HCK: variants seen among roughly 807,000 people sequenced by gnomAD.
HCK encodes tyrosine-protein kinase HCK.
HCK carries 40 observed loss-of-function variants against 70.4 expected under a neutral mutation model. That is an observed-to-expected ratio of 0.57 (90% CI 0.44 to 0.74). The LOEUF (loss-of-function observed/expected upper bound fraction) is 0.74, where lower values mean the gene tolerates loss of function less well. Among genes scored for constraint, HCK ranks in the 30% least tolerant of loss-of-function variants. The pLI is 0.00. For synonymous variants in HCK, 245 were observed against 263.2 expected (o/e 0.93, Z 0.67); for missense variants, 568 against 697.2 (o/e 0.81, Z 2.09).
chr20:32,059,997 A>G (rs534270649), intron 1 of HCK, among the ~76,000 whole-genome samples: 2 of 152,094 alleles, frequency 1.3e-5, no homozygotes, highest in Non-Finnish European at 2.9e-5. Context: ...TGAGGATTCC[A>G]TTTGTGGAGG....
At chr20:32,069,282 G>A (rs150049488) in intron 1 of HCK, among the ~76,000 whole-genome samples, 56 of 152,252 alleles carry the variant, frequency 3.7e-4, no homozygotes, top group African/African-American at 1.3e-3. Context: ...CCCCTCCCTC[G>A]GGACCCTGTG....
At chr20:32,097,916 C>T (rs1194372485) in intron 11 of HCK, among the ~76,000 whole-genome samples, 1 of 152,152 alleles carries the variant, frequency 6.6e-6, no homozygotes, top group Non-Finnish European at 1.5e-5. Flanking sequence ...GTGGCTCACA[C>T]CTATAATCCC....
At chr20:32,088,047 C>G (rs2045814704) in intron 9 of HCK, among the ~76,000 whole-genome samples, 1 of 152,084 alleles carries the variant, frequency 6.6e-6, no homozygotes, top group Non-Finnish European at 1.5e-5. Context: ...TAGGCATGAA[C>G]CACTGAGCCT....
intron 1 of HCK, among the ~76,000 whole-genome samples, chr20:32,061,217 T>TAA (rs1463083496): frequency 2.0e-5 from 3 of 152,060 alleles, no homozygotes; most frequent in Non-Finnish European, 4.4e-5. Flanking sequence ...CTCCTGACCT[T>TAA]GTGATTCGCC....
intron 11 of HCK, 134 bp downstream of exon 11, chr20:32,094,150 G>A (rs2045902482): frequency 1.3e-6 from 1 of 765,150 alleles, no homozygotes; most frequent in African/African-American, 1.7e-5. Context: ...TGAGCTTGGT[G>A]GATCCTTCTG....
At chr20:32,052,652 A>C (rs984723339) in intron 1 of HCK, among the ~76,000 whole-genome samples, 166 bp downstream of exon 1, 1 of 151,984 alleles carries the variant, frequency 6.6e-6, no homozygotes. Flanking sequence ...TGAGGGGTCG[A>C]CAGCGAGTGG....
At chr20:32,076,078 T>A (rs442268) in intron 5 of HCK, among the ~76,000 whole-genome samples, 44,640 of 151,916 alleles carry the variant, frequency 0.29, 7,137 homozygotes, top group African/African-American at 0.42. Flanking sequence ...ATCCCAGCAC[T>A]TCGGGAGGCC....
chr20:32,087,174 C>G (rs1222605020), intron 9 of HCK, among the ~76,000 whole-genome samples: 1 of 152,238 alleles, frequency 6.6e-6, no homozygotes, highest in Admixed American at 6.5e-5. Context: ...CCTGTACTTG[C>G]CAAAGCCCTG....
In HCK at chr20:32,079,871, A is replaced by T; in HGVS notation, c.526A>T (p.Thr176Ser). The T allele has an allele frequency of 6.2e-7, 1 of 1,609,932 alleles. No homozygotes were observed. The highest frequency in any genetic ancestry group is 1.1e-5 in the South Asian group (1 of 90,944). The change falls in exon 6 of 13, where the codon ACT (threonine) becomes TCT (serine). Residue 176 changes from threonine to serine, a missense_variant. By Grantham distance (58) the Thr-to-Ser change is moderately conservative. Transcript: ENST00000375852. ...CTTCATGATCCGGGATAGCGAGACC[A>T]CTAAAGGTGACACCAGCCCTCCCCA...
intron 1 of HCK, among the ~76,000 whole-genome samples, chr20:32,065,950 G>C (rs1314991071): frequency 6.6e-6 from 1 of 152,206 alleles, no homozygotes; most frequent in Non-Finnish European, 1.5e-5. Flanking sequence ...AATCGCCTGG[G>C]AACCTTGTTA....
chr20:32,066,562 A>T (rs1167430891), intron 1 of HCK, among the ~76,000 whole-genome samples: 1 of 151,896 alleles, frequency 6.6e-6, no homozygotes, highest in East Asian at 1.9e-4. Flanking sequence ...ATCCACCCAC[A>T]TCAGCCTCCT....
chr20:32,075,047 G>A (rs1019996413), intron 5 of HCK, among the ~76,000 whole-genome samples: 9 of 152,332 alleles, frequency 5.9e-5, no homozygotes, highest in South Asian at 2.1e-4. Context: ...TGGTGAGAGC[G>A]GGGACTTTGT....
intron 1 of HCK, among the ~76,000 whole-genome samples, chr20:32,059,351 CT>C (rs1367532057): frequency 6.7e-6 from 1 of 149,092 alleles, no homozygotes; most frequent in African/African-American, 2.5e-5. Flanking sequence ...TCCTTCCCCC[CT>C]TCTCCTCCTC....
intron 12 of HCK, 111 bp from the exon 13 acceptor site, chr20:32,101,206 C>A: frequency 1.1e-6 from 1 of 889,820 alleles, no homozygotes; most frequent in South Asian, 1.6e-5. Context: ...AGGGGCTCAG[C>A]TTGCAAGGTG....
At chr20:32,064,787 C>T (rs1235777594) in intron 1 of HCK, among the ~76,000 whole-genome samples, 1 of 152,228 alleles carries the variant, frequency 6.6e-6, no homozygotes, top group African/African-American at 2.4e-5. Flanking sequence ...GCATGGTAAC[C>T]CTGGGAAGCA....
rs527549394 is a variant in HCK at position 32,052,784 on chromosome 20, G to A, written c.62+298G>A. On this transcript the variant is annotated intron_variant, in intron 1 of 12. Transcript: ENST00000375852. ...TGGGCCGTCCAGGTTCCCCTTCTTG[G>A]GGGGGGGCGGGGATTTTTTTTTTAA... Among the ~76,000 whole-genome samples, 411 of 125,326 alleles carry A rather than the reference G, an allele frequency of 3.3e-3. 20 individuals carry two copies. Among genetic ancestry groups the A allele is most frequent in the Non-Finnish European group, 5.3e-3 (324 of 61,342 alleles). 82.2% of individuals were successfully genotyped at this position (125,326 alleles called of 152,430 possible). A position where few individuals can be genotyped will look rare whatever the true frequency, so the allele number is the denominator to read the frequency against.
intron 1 of HCK, among the ~76,000 whole-genome samples, chr20:32,070,748 G>A (rs1369428093): frequency 6.6e-6 from 1 of 151,990 alleles, no homozygotes; most frequent in African/African-American, 2.4e-5. Flanking sequence ...GGTCCTGAGG[G>A]CGTGAACTTG....
intron 1 of HCK, among the ~76,000 whole-genome samples, chr20:32,069,971 A>G (rs1483488878): frequency 6.6e-6 from 1 of 152,208 alleles, no homozygotes; most frequent in Non-Finnish European, 1.5e-5. Context: ...CTTCTCAGCA[A>G]ATGTGTGTGC....
At chr20:32,066,303 C>CATTTTTTTTTTTTTTTTTTTTTTTTTTTT (rs2045456510) in intron 1 of HCK, among the ~76,000 whole-genome samples, 1 of 46,206 alleles carries the variant, frequency 2.2e-5, no homozygotes, top group African/African-American at 6.8e-5. Flanking sequence ...CCTCCAGTGA[C>CATTTTTTTTTTTTTTTTTTTTTTTTTTTT]TTTTTTTTTT....
Sources: gnomAD v4.1 joint callset for allele counts (sites outside exome capture counted in the v4.1 genomes callset) on GRCh38, gnomAD v4.1.1 for gene constraint, MANE v1.5 for transcripts, NCBI Gene and HGNC (gene_info 2026-07-23, HGNC 2026-07-21) for gene names.